The following PIP5K1A variants were observed in gnomAD, a reference collection of about 807,000 sequenced individuals.
PIP5K1A encodes phosphatidylinositol-4-phosphate 5-kinase type 1 alpha, also known as phosphatidylinositol 4-phosphate 5-kinase type-1 alpha.
PIP5K1A carries 46 observed loss-of-function variants against 72.9 expected under a neutral mutation model. The ratio of observed to expected loss-of-function variants is 0.63; its 90% CI spans 0.50 to 0.81. The LOEUF (loss-of-function observed/expected upper bound fraction) is 0.81. Among genes scored for constraint, PIP5K1A ranks in the 30% least tolerant of loss-of-function variants. The pLI is 0.00. For synonymous variants in PIP5K1A, 228 were observed against 255.1 expected (o/e 0.89, Z 1.01); for missense variants, 458 against 706.1 (o/e 0.65, Z 3.98).
At position 151,232,329 on chromosome 1, in the gene PIP5K1A, C is replaced by T. The variant is rs772744169; in HGVS notation, c.450C>T (p.Phe150=). 1.2e-6 allele frequency: 2 copies of T among 1,613,896 alleles called. No homozygotes were observed. The highest frequency in any genetic ancestry group is 4.5e-5 in the East Asian group (2 of 44,900). Reference sequence around the variant, plus strand: ...ATGCACCTGTTGCCTTCCGCTACTTCCGGGAGCTATTTGGTATCCGGCCCG... The same window carrying T: ...ATGCACCTGTTGCCTTCCGCTACTTTCGGGAGCTATTTGGTATCCGGCCCG... The part of the protein sequence containing the change: ...KTYAPVAFRY[F]RELFGIRPDD... Residue 150 remains phenylalanine (F), a synonymous_variant, in exon 6 of 16, where the codon TTC becomes TTT. Transcript: ENST00000368888.
At chr1:151,228,123 T>A (rs1445713903) in intron 4 of PIP5K1A, among the ~76,000 whole-genome samples, 2 of 151,448 alleles carry the variant, frequency 1.3e-5, no homozygotes, top group Non-Finnish European at 2.9e-5. Context: ...ACACAATAGG[T>A]CAGACTTTTT....
intron 1 of PIP5K1A, among the ~76,000 whole-genome samples, chr1:151,219,990 G>T (rs114686710): frequency 0.044 from 6,577 of 150,260 alleles, 198 homozygotes; most frequent in Non-Finnish European, 0.062. Context: ...TGTGCTCAAT[G>T]CCTGTCTCTG....
upstream of PIP5K1A, among the ~76,000 whole-genome samples, chr1:151,195,746 C>CA (rs1684539092): frequency 6.6e-6 from 1 of 151,032 alleles, no homozygotes; most frequent in Non-Finnish European, 1.5e-5. Flanking sequence ...GACTCTGTCT[C>CA]AAAAATAAAA....
chr1:151,232,540 G>C lies in PIP5K1A; in HGVS notation c.487-11G>C. Reference sequence around the variant, plus strand: ...TGTCTAAATCTCTTAGTTCTTCTCTGTTTGCCCCAGTATTCCCTCTGCAGT... The same window carrying C: ...TGTCTAAATCTCTTAGTTCTTCTCTCTTTGCCCCAGTATTCCCTCTGCAGT... On this transcript the variant is annotated splice_polypyrimidine_tract_variant and intron_variant, in intron 6 of 15. Transcript: ENST00000368888. The C allele has an allele frequency of 6.3e-7, 1 of 1,594,598 alleles. No individual in the cohort carries two copies. The highest frequency in any genetic ancestry group is 1.1e-5 in the South Asian group (1 of 88,214).
At chr1:151,234,159 AGTT>A (rs759886410) in intron 7 of PIP5K1A, 35 bp from the exon 8 acceptor site, 1 of 1,519,350 alleles carries the variant, frequency 6.6e-7, no homozygotes, top group Admixed American at 2.0e-5. Context: ...AAATCAGCTA[AGTT>A]GTTCTCCTAC....
In PIP5K1A at chr1:151,240,000, C is replaced by T; in HGVS notation, c.1324C>T (p.Gln442Ter). The change falls in exon 12 of 16, where the codon CAG becomes TAG. Residue 442 changes from glutamine (Q) to a stop codon, truncating the protein, a stop_gained. Transcript: ENST00000368888. LOFTEE classifies it high-confidence loss of function. ...CCCAGGCTTCTACGCTGAACGGTTC[C>T]AGCGCTTCATGTGCAACACAGTATT... Reference protein sequence around the residue: ...HRPGFYAERFQRFMCNTVFKK... With the variant: ...HRPGFYAERF 1.9e-6 allele frequency: 3 copies of T among 1,612,908 alleles called. No homozygotes were observed. Among genetic ancestry groups the T allele is most frequent in the Non-Finnish European group, 2.5e-6 (3 of 1,179,380 alleles).
intron 11 of PIP5K1A, among the ~76,000 whole-genome samples, 175 bp downstream of exon 11, chr1:151,239,353 A>G (rs1570987392): frequency 6.7e-6 from 1 of 149,982 alleles, no homozygotes; most frequent in South Asian, 2.1e-4. Context: ...GCTCGCTGCA[A>G]CCTCCGTCTC....
chr1:151,246,857 G>T, intron 14 of PIP5K1A, 63 bp from the exon 15 acceptor site: 1 of 1,178,874 alleles, frequency 8.5e-7, no homozygotes, highest in Middle Eastern at 2.0e-4. Context: ...TTTAAAAGGA[G>T]AGTCCTTTGT....
rs186123198 is a variant in PIP5K1A at position 151,228,144 on chromosome 1, A to G, written c.237+744A>G. ...TAGGTCAGACTTTTTTTTCTCTTCC[A>G]TTTTTTTTTTAGAGCCAGGGTGTCA... On this transcript the variant is annotated intron_variant, in intron 4 of 15. Coordinates refer to ENST00000368888, the MANE Select transcript of PIP5K1A (RefSeq NM_001135638.2). Among the ~76,000 whole-genome samples the G allele has an allele frequency of 1.1e-3, 158 of 146,954 alleles. 1 individual carries two copies. The highest frequency in any genetic ancestry group is 3.2e-4 in the Non-Finnish European group (21 of 66,338).
At chr1:151,213,084 G>T (rs988379847) in intron 1 of PIP5K1A, among the ~76,000 whole-genome samples, 1 of 151,882 alleles carries the variant, frequency 6.6e-6, no homozygotes, top group Non-Finnish European at 1.5e-5. Context: ...AGTAGAGACG[G>T]GGTTTCACTG....
At chr1:151,197,341 C>T (rs1386333814), upstream of PIP5K1A, among the ~76,000 whole-genome samples, 1 of 152,054 alleles carries the variant, frequency 6.6e-6, no homozygotes, top group East Asian at 1.9e-4. Flanking sequence ...TGCAGTGGCG[C>T]GATCTCCGCT....
chr1:151,209,023 C>T (rs587649796), intron 1 of PIP5K1A, among the ~76,000 whole-genome samples: 6 of 150,382 alleles, frequency 4.0e-5, no homozygotes, highest in African/African-American at 7.3e-5. Flanking sequence ...TGAGCCACTG[C>T]GCCTGGCCGC....
Position 151,198,679 on chromosome 1 carries a change from G to T in PIP5K1A, c.-318G>T. On this transcript the variant is annotated 5_prime_UTR_variant, in exon 1 of 16. Transcript: ENST00000368888. ...CATGCCTCGTTTTTTTTTCAGATGTGGCTTGGTCTGGGCGCAAGGTCCCAG... is the reference window on the plus strand; with the variant it reads ...CATGCCTCGTTTTTTTTTCAGATGTTGCTTGGTCTGGGCGCAAGGTCCCAG... 4 of 377,858 alleles carry T rather than the reference G, an allele frequency of 1.1e-5. No individual in the cohort carries two copies. Among genetic ancestry groups the T allele is most frequent in the East Asian group, 4.7e-5 (1 of 21,076 alleles). 23.4% of individuals were successfully genotyped at this position (377,858 alleles called of 1,614,324 possible).
chr1:151,198,920 G>A lies in PIP5K1A; in HGVS notation c.-77G>A. 7.2e-7 allele frequency: 1 copy of A among 1,389,428 alleles called. No individual in the cohort carries two copies. Among genetic ancestry groups the A allele is most frequent in the South Asian group, 1.2e-5 (1 of 85,936 alleles). 86.1% of individuals were successfully genotyped at this position (1,389,428 alleles called of 1,614,324 possible). ...AACGCGGGTTCTGTAAAGAGACGTT[G>A]GGAAGATTCGATTCCGAGAAGAGGA... On this transcript the variant is annotated 5_prime_UTR_variant, in exon 1 of 16. Coordinates refer to ENST00000368888, the MANE Select transcript of PIP5K1A (RefSeq NM_001135638.2).
chr1:151,198,440 T>G (rs1019783130), upstream of PIP5K1A: 10 of 237,334 alleles, frequency 4.2e-5, no homozygotes, highest in East Asian at 5.0e-4. Flanking sequence ...CGTCAGGGCG[T>G]GAGGACCCAC....
At chr1:151,205,226 A>G (rs1056830533) in intron 1 of PIP5K1A, among the ~76,000 whole-genome samples, 3 of 152,120 alleles carry the variant, frequency 2.0e-5, no homozygotes, top group African/African-American at 7.2e-5. Flanking sequence ...AGACCAGTGT[A>G]GTGCAGTGGT....
chr1:151,199,203 C>T, intron 1 of PIP5K1A, 122 bp downstream of exon 1: 2 of 1,552,116 alleles, frequency 1.3e-6, no homozygotes, highest in Non-Finnish European at 1.7e-6. Flanking sequence ...TGGGCGCGAG[C>T]TGGGCTTTCA....
rs369613651 is a variant in PIP5K1A at position 151,198,969 on chromosome 1, G to A, written c.-28G>A. 6.2e-7 allele frequency: 1 copy of A among 1,607,332 alleles called. No homozygotes were observed. The highest frequency in any genetic ancestry group is 1.3e-5 in the African/African-American group (1 of 74,936). On this transcript the variant is annotated 5_prime_UTR_variant, in exon 1 of 16. Transcript: ENST00000368888. The stretch of plus-strand genomic sequence containing the variant: ...GAAGAACCGGATTGAAAGAGAGCCA[G>A]GCCGCTGAGGGGGAGGGGGCTGCTA...
intron 1 of PIP5K1A, among the ~76,000 whole-genome samples, chr1:151,202,854 C>T (rs945026403): frequency 6.6e-6 from 1 of 151,850 alleles, no homozygotes; most frequent in Non-Finnish European, 1.5e-5. Flanking sequence ...CTCACTGCAG[C>T]CTCAGCCTCT....
Sources: allele counts gnomAD v4.1 joint callset (sites outside exome capture counted in the v4.1 genomes callset), GRCh38; gene constraint gnomAD v4.1.1; transcripts MANE v1.5; gene names NCBI Gene and HGNC (gene_info 2026-07-23, HGNC 2026-07-21).